Variants in AXL observed in about 807,000 individuals in gnomAD.
AXL encodes AXL receptor tyrosine kinase.
A neutral mutation model predicts 104.5 loss-of-function variants in AXL; 52 were observed. The observed-to-expected ratio is 0.50, with a 90% CI of 0.40 to 0.63. AXL has a LOEUF of 0.63. AXL is among the 20% of genes least tolerant of loss of function. The probability of loss-of-function intolerance (pLI) is 0.00; values close to 1 mark genes in which losing one functional copy is unlikely to be tolerated. For synonymous variants in AXL, 455 were observed against 473.7 expected, an observed-to-expected ratio of 0.96 and a Z score of 0.51; for missense variants, 1,024 against 1,188.5, an observed-to-expected ratio of 0.86 and a Z score of 2.04.
intron 12 of AXL, among the ~76,000 whole-genome samples, chr19:41,247,507 A>C (rs182470709): frequency 3.7e-4 from 57 of 152,322 alleles, no homozygotes; most frequent in African/African-American, 1.3e-3. Flanking sequence ...CCATCTCAAA[A>C]AAAAAAAGAA....
chr19:41,259,264 T>G (rs1290900319), intron 19 of AXL, among the ~76,000 whole-genome samples: 1 of 152,122 alleles, frequency 6.6e-6, no homozygotes, highest in Non-Finnish European at 1.5e-5. Context: ...TTGATGCAAG[T>G]CTGTTCTGGG....
At chr19:41,219,970 C>T (rs144487614) in intron 1 of AXL, among the ~76,000 whole-genome samples, 2 of 152,032 alleles carry the variant, frequency 1.3e-5, no homozygotes, top group African/African-American at 4.8e-5. Context: ...GAGGCTCTCA[C>T]TTTGTCTCTC....
chr19:41,231,392 G>A (rs1214627883), intron 6 of AXL, 94 bp downstream of exon 6: 19 of 1,172,270 alleles, frequency 1.6e-5, no homozygotes, highest in Middle Eastern at 2.0e-4. Context: ...ACCACTTCTC[G>A]GCCACTGTTG....
In AXL at chr19:41,248,771, G is replaced by T; in HGVS notation, c.1662G>T (p.Gln554His). ...AGTTTGGAGCTGTGATGGAAGGCCA[G>T]CTCAACCAGGACGACTCCATCCTCA... Reference protein sequence around the residue: ...EGEFGAVMEGQLNQDDSILKV... With the variant: ...EGEFGAVMEGHLNQDDSILKV... The change falls in exon 14 of 20, where the codon CAG becomes CAT. Residue 554 changes from glutamine (Q) to histidine (H), a missense_variant. Physicochemically the swap from Gln to His is conservative, Grantham distance 24. Transcript: ENST00000301178. The T allele has an allele frequency of 1.2e-6, 2 of 1,614,084 alleles. No individual in the cohort carries two copies. Among genetic ancestry groups the T allele is most frequent in the South Asian group, 2.2e-5 (2 of 91,068 alleles).
chr19:41,235,374 ATAGATAGATAGATAGATAG>A (rs569838904), intron 6 of AXL, among the ~76,000 whole-genome samples: 32,997 of 134,508 alleles, frequency 0.25, 4,564 homozygotes, highest in South Asian at 0.46. Flanking sequence ...AAATAAATAG[ATAGATAGATAGATAGATAG>A]ATAGATAGAT....
At chr19:41,247,372 G>C (rs2034287917) in intron 12 of AXL, among the ~76,000 whole-genome samples, 1 of 152,150 alleles carries the variant, frequency 6.6e-6, no homozygotes, top group African/African-American at 2.4e-5. Flanking sequence ...AATTAGCTGG[G>C]CGTAGTGGCA....
At chr19:41,239,562 G>T in intron 9 of AXL, 132 bp from the exon 10 acceptor site, 1 of 1,286,220 alleles carries the variant, frequency 7.8e-7, no homozygotes, top group Non-Finnish European at 1.1e-6. Context: ...CCTTACCCGT[G>T]CCAAACCTTC....
chr19:41,226,656 ACACGTACACAGATACTCAACACATG>A, intron 4 of AXL: 1 of 800,670 alleles, frequency 1.2e-6, no homozygotes, highest in South Asian at 5.7e-5. Flanking sequence ...AACACGAGAG[ACACGTACACAGATACTCAACACATG>A]CACGTACACA....
intron 4 of AXL, among the ~76,000 whole-genome samples, chr19:41,225,520 T>C (rs899844754): frequency 6.6e-6 from 1 of 152,214 alleles, no homozygotes; most frequent in Non-Finnish European, 1.5e-5. Flanking sequence ...TGTCTCTGAA[T>C]ATACAGGGAC....
chr19:41,260,021 C>G lies in AXL; in HGVS notation c.*117C>G. On this transcript the variant is annotated 3_prime_UTR_variant, in exon 20 of 20. Coordinates refer to ENST00000301178, the MANE Select transcript of AXL (RefSeq NM_021913.5). ...TTATCCCCACTTGCAGCCCTGTCTT[C>G]CTACCTATCCCACCTCCATCCCAGA... 1 of 922,030 alleles carries G rather than the reference C, an allele frequency of 1.1e-6. No individual in the cohort carries two copies. The highest frequency in any genetic ancestry group is 1.6e-6 in the Non-Finnish European group (1 of 628,852). 57.1% of individuals were successfully genotyped at this position (922,030 alleles called of 1,614,324 possible). A position where few individuals can be genotyped will look rare whatever the true frequency, so the allele number is the denominator to read the frequency against.
chr19:41,230,142 G>T (rs531923424), intron 4 of AXL, among the ~76,000 whole-genome samples: 1 of 118,224 alleles, frequency 8.5e-6, no homozygotes, highest in African/African-American at 3.7e-5. Flanking sequence ...TGTGTGTGTG[G>T]CTGTGTCTGT....
chr19:41,259,569 C>T lies in AXL; in HGVS notation c.2350C>T (p.Arg784Trp), dbSNP rs763936923. The change falls in exon 20 of 20, where the codon CGG becomes TGG. Residue 784 changes from arginine to tryptophan, a missense_variant. Coordinates refer to ENST00000301178, the MANE Select transcript of AXL (RefSeq NM_021913.5). ...CTGCCCTAGGTATGCCTTGATGTCGCGGTGCTGGGAGCTAAATCCCCAGGA... is the reference window on the plus strand; with the variant it reads ...CTGCCCTAGGTATGCCTTGATGTCGTGGTGCTGGGAGCTAAATCCCCAGGA... Reference protein sequence around the residue: ...CLDGLYALMSRCWELNPQDRP... With the variant: ...CLDGLYALMSWCWELNPQDRP... The T allele has an allele frequency of 1.7e-5, 27 of 1,606,032 alleles. No individual in the cohort carries two copies. In the Admixed American group the frequency reaches 3.4e-4, roughly 20 times the overall value.
intron 6 of AXL, among the ~76,000 whole-genome samples, chr19:41,236,347 A>AAAT (rs2034078677): frequency 6.7e-6 from 1 of 148,566 alleles, no homozygotes; most frequent in African/African-American, 2.5e-5. Context: ...AAAAAAAAAA[A>AAAT]AAAAATTAGT....
At position 41,231,439 on chromosome 19, in the gene AXL, C is replaced by T. The variant is rs79855742; in HGVS notation, c.783+141C>T. 61,406 of 778,984 alleles carry T rather than the reference C, an allele frequency of 0.079. 3,054 individuals carry two copies. The highest frequency in any genetic ancestry group is 0.12 in the South Asian group (6,291 of 52,782). 48.3% of individuals were successfully genotyped at this position (778,984 alleles called of 1,614,324 possible). ...AGCCTGGGGGGTTAAGCCAGATGTC[C>T]TGGGTTCGAATCCTAGCTCCACCAC... On this transcript the variant is annotated intron_variant, in intron 6 of 19. Coordinates refer to ENST00000301178, the MANE Select transcript of AXL (RefSeq NM_021913.5).
At chr19:41,259,482 T>TC (rs1205973108) in intron 19 of AXL, 71 bp from the exon 20 acceptor site, 4 of 1,367,914 alleles carry the variant, frequency 2.9e-6, no homozygotes, top group Non-Finnish European at 4.0e-6. Flanking sequence ...TCCTAAAATG[T>TC]CCCCAGGCTT....
At chr19:41,221,305 T>C in intron 3 of AXL, 59 bp downstream of exon 3, 1 of 1,514,194 alleles carries the variant, frequency 6.6e-7, no homozygotes, top group Non-Finnish European at 9.0e-7. Context: ...TCATAGGTTG[T>C]GGGAAGTCAG....
rs760246352 is a variant in AXL at position 41,238,015 on chromosome 19, G to T, written c.855G>T (p.Ser285=). ...EPDPPEEPLT[S]QASVPPHQLR... ...ACCCCCCAGAGGAGCCCCTCACCTC[G>T]CAAGCATCCGTGCCCCCCCATCAGC... The change falls in exon 7 of 20, where the codon TCG becomes TCT. Residue 285 remains serine, a synonymous_variant. Transcript: ENST00000301178. The T allele has an allele frequency of 3.1e-6, 5 of 1,613,528 alleles. No individual in the cohort carries two copies. Among genetic ancestry groups the T allele is most frequent in the Admixed American group, 3.3e-5 (2 of 59,934 alleles).
intron 10 of AXL, among the ~76,000 whole-genome samples, chr19:41,241,913 T>C (rs1050111598): frequency 2.6e-5 from 4 of 152,174 alleles, no homozygotes; most frequent in Non-Finnish European, 5.9e-5. Flanking sequence ...CAAAAGATGT[T>C]CCTTAGTCCG....
chr19:41,240,031 A>T (rs947243404), intron 10 of AXL, among the ~76,000 whole-genome samples: 2 of 145,780 alleles, frequency 1.4e-5, no homozygotes, highest in Non-Finnish European at 3.0e-5. Context: ...TAGGCGGGTG[A>T]ACAGATAAAT....
Sources: gnomAD v4.1 joint callset for allele counts (sites outside exome capture counted in the v4.1 genomes callset) on GRCh38, gnomAD v4.1.1 for gene constraint, MANE v1.5 for transcripts, NCBI Gene and HGNC (gene_info 2026-07-23, HGNC 2026-07-21) for gene names.